PIWIL3: variants seen among roughly 807,000 people sequenced by gnomAD.
PIWIL3 encodes the protein piwi-like protein 3.
Under a neutral mutation model 109.7 loss-of-function variants are expected in PIWIL3, and 101 were observed. The observed-to-expected ratio is 0.92, with a 90% CI of 0.78 to 1.09. The LOEUF is 1.09. Among genes scored for constraint, PIWIL3 ranks in the 50% least tolerant of loss-of-function variants. The pLI is 0.00. For synonymous variants in PIWIL3, 373 were observed against 376.4 expected, an observed-to-expected ratio of 0.99 and a Z score of 0.10; for missense variants, 1,031 against 1,072.6, an observed-to-expected ratio of 0.96 and a Z score of 0.54.
chr22:24,749,615 C>T, intron 10 of PIWIL3, 78 bp downstream of exon 10: 2 of 1,611,490 alleles, frequency 1.2e-6, no homozygotes, highest in Non-Finnish European at 1.7e-6. Context: ...CAAGGAGACA[C>T]CCTTCGAATT....
At chr22:24,735,663 A>G (rs755919937) in intron 13 of PIWIL3, 45 bp downstream of exon 13, 4 of 1,507,356 alleles carry the variant, frequency 2.7e-6, no homozygotes, top group Middle Eastern at 1.8e-4. Context: ...ATACTTTAAG[A>G]TTGCTAACAA....
intron 18 of PIWIL3, among the ~76,000 whole-genome samples, 160 bp downstream of exon 18, chr22:24,724,727 G>A (rs962281946): frequency 2.6e-5 from 4 of 151,866 alleles, no homozygotes; most frequent in South Asian, 4.2e-4. Flanking sequence ...ATGAGCCACC[G>A]CACCCGGCCA....
At chr22:24,764,325 A>C (rs1472827762) in intron 1 of PIWIL3, among the ~76,000 whole-genome samples, 1 of 152,190 alleles carries the variant, frequency 6.6e-6, no homozygotes, top group Non-Finnish European at 1.5e-5. Context: ...TTTACCTGCC[A>C]GGTGCTCTTA....
chr22:24,758,097 AG>A, intron 3 of PIWIL3, 58 bp from the exon 4 acceptor site: 1 of 1,548,462 alleles, frequency 6.5e-7, no homozygotes, highest in Non-Finnish European at 8.8e-7. Context: ...TAGAAAAGAC[AG>A]CATTAACACC....
At position 24,719,139 on chromosome 22, in the gene PIWIL3, T is replaced by C. The variant is rs1214085421; in HGVS notation, c.*333A>G. ...AGTAGAGTTTACTTGTTCACAGATG[T>C]ACTCTCTCTGTGACGAATGCCCCAT... On this transcript the variant is annotated 3_prime_UTR_variant, in exon 21 of 21. Coordinates refer to ENST00000616349, the MANE Select transcript of PIWIL3 (RefSeq NM_001255975.1). The C allele has an allele frequency of 6.2e-6, 1 of 161,736 alleles. No individual in the cohort carries two copies. Among genetic ancestry groups the C allele is most frequent in the Non-Finnish European group, 1.3e-5 (1 of 74,650 alleles). The allele number at this position is 161,736 out of a possible 1,614,324, so 10.0% of individuals were successfully genotyped here. A position where few individuals can be genotyped will look rare whatever the true frequency, so the allele number is the denominator to read the frequency against.
chr22:24,770,678 A>AAAAAT (rs1555914379), intron 1 of PIWIL3, among the ~76,000 whole-genome samples: 3 of 142,506 alleles, frequency 2.1e-5, no homozygotes, highest in African/African-American at 7.9e-5. Flanking sequence ...AAAAAAAAAA[A>AAAAAT]ACAAAAATTA....
At chr22:24,751,306 T>C (rs1311138336) in intron 9 of PIWIL3, 81 bp downstream of exon 9, 3 of 1,350,464 alleles carry the variant, frequency 2.2e-6, no homozygotes, top group Non-Finnish European at 3.1e-6. Context: ...ATGACAAATA[T>C]GTTCAAGTAG....
In PIWIL3 at chr22:24,754,881, T is replaced by C. The variant is rs1420412710; in HGVS notation, c.693-17A>G. The C allele has an allele frequency of 3.1e-6, 5 of 1,602,100 alleles. No homozygotes were observed. The East Asian group carries it at 8.9e-5, about 29-fold the overall frequency. On this transcript the variant is annotated splice_polypyrimidine_tract_variant and intron_variant, in intron 6 of 20. Coordinates refer to ENST00000616349, the MANE Select transcript of PIWIL3 (RefSeq NM_001255975.1). ...TTGAAAGTTCTGGAAATGGAAAGAATAGATTTTGTTGAAAGTACAGGGTAC... is the reference window on the plus strand; with the variant it reads ...TTGAAAGTTCTGGAAATGGAAAGAACAGATTTTGTTGAAAGTACAGGGTAC...
rs1013368931 is a variant in PIWIL3, at chr22:24,726,037, G to A, written c.2010-522C>T. ...CCATCTGACCACCTGACATTGTGAT[G>A]TATCTGTCTGGCTGCCTCTTCTCAC... On this transcript the variant is annotated intron_variant, in intron 16 of 20. Coordinates refer to ENST00000616349, the MANE Select transcript of PIWIL3 (RefSeq NM_001255975.1). 2.0e-5 allele frequency among the ~76,000 whole-genome samples: 3 copies of A among 152,298 alleles called. No homozygotes were observed. The East Asian group carries it at 5.8e-4, about 29-fold the overall frequency.
chr22:24,765,704 C>G (rs1601854240), intron 1 of PIWIL3, among the ~76,000 whole-genome samples: 1 of 151,258 alleles, frequency 6.6e-6, no homozygotes, highest in African/African-American at 2.4e-5. Context: ...TCTTTTTAAC[C>G]CTAATCTTTC....
chr22:24,728,514 G>A (rs562762497), intron 14 of PIWIL3, 140 bp from the exon 15 acceptor site: 6 of 872,964 alleles, frequency 6.9e-6, no homozygotes, highest in Non-Finnish European at 1.1e-5. Flanking sequence ...AGCCCAAGAG[G>A]GCGAAGGGTC....
intron 4 of PIWIL3, among the ~76,000 whole-genome samples, chr22:24,757,674 A>ATATATAAAATATGTATATAT (rs1383950942): frequency 7.6e-6 from 1 of 132,062 alleles, no homozygotes; most frequent in African/African-American, 2.9e-5. Context: ...ACACACACAC[A>ATATATAAAATATGTATATAT]CACACACACA....
In PIWIL3 at chr22:24,724,250, A is replaced by AT. The variant is rs58351104; in HGVS notation, c.2231+636dup. Among the ~76,000 whole-genome samples the AT allele has an allele frequency of 2.2e-4, 32 of 148,634 alleles. 1 individual carries two copies. The highest frequency in any genetic ancestry group is 4.2e-4 in the South Asian group (2 of 4,710). On this transcript the variant is annotated intron_variant, in intron 18 of 20. Transcript: ENST00000616349. The stretch of plus-strand genomic sequence containing the variant: ...GGTGTTTTCCCCTAAAAAACATCAG[A>AT]TTTTTTTTTTTCAAAGACTAAAATG...
At chr22:24,772,268 C>T (rs1926175330) in intron 1 of PIWIL3, among the ~76,000 whole-genome samples, 1 of 152,136 alleles carries the variant, frequency 6.6e-6, no homozygotes, top group Non-Finnish European at 1.5e-5. Context: ...TTGTATATTT[C>T]ACAATGTAAG....
At chr22:24,733,094 T>A (rs1457985098) in intron 14 of PIWIL3, among the ~76,000 whole-genome samples, 1 of 152,186 alleles carries the variant, frequency 6.6e-6, no homozygotes, top group East Asian at 1.9e-4. Context: ...TCAGAATGCG[T>A]ACGGCTCACA....
chr22:24,749,485 A>G lies in PIWIL3; in HGVS notation c.1253T>C (p.Val418Ala), dbSNP rs556170913. The G allele has an allele frequency of 6.2e-7, 1 of 1,613,706 alleles. No individual in the cohort carries two copies. The highest frequency in any genetic ancestry group is 1.3e-5 in the African/African-American group (1 of 75,038). Reference protein sequence around the residue: ...TDEICKDYSIVKELAKHTRLS... With the variant: ...TDEICKDYSIAKELAKHTRLS... ...TCTTGTATGTTTAGCCAATTCTTTC[A>G]CAATGCTATAATCTTTACATATTTC... The change falls in exon 11 of 21, where the codon GTG becomes GCG. Residue 418 changes from valine (V) to alanine (A), a missense_variant. By Grantham distance (64) the Val-to-Ala change is moderately conservative. Coordinates refer to ENST00000616349, the MANE Select transcript of PIWIL3 (RefSeq NM_001255975.1).
intron 16 of PIWIL3, among the ~76,000 whole-genome samples, chr22:24,727,538 T>C (rs5760609): frequency 0.68 from 103,830 of 152,024 alleles, 35,811 homozygotes; most frequent in East Asian, 0.81. Flanking sequence ...GTCATCTAAC[T>C]ACAAAGAAAT....
chr22:24,764,667 T>TGTGTGTGTGTGC (rs1038117713), intron 1 of PIWIL3, among the ~76,000 whole-genome samples: 4 of 145,960 alleles, frequency 2.7e-5, no homozygotes, highest in African/African-American at 1.0e-4. Context: ...TGTGTGTGTG[T>TGTGTGTGTGTGC]GTTGAGACAG....
In PIWIL3 at chr22:24,719,789, G is replaced by A. The variant is rs201971834; in HGVS notation, c.2464C>T (p.Arg822Cys). The change falls in exon 20 of 21, where the codon CGT (arginine) becomes TGT (cysteine). Residue 822 changes from arginine to cysteine, a missense_variant. Physicochemically the swap from Arg to Cys is radical, Grantham distance 180. Coordinates refer to ENST00000616349, the MANE Select transcript of PIWIL3 (RefSeq NM_001255975.1). Reference protein sequence around the residue: ...TIGLSPDTVQRLTYCLCHMYY... With the variant: ...TIGLSPDTVQCLTYCLCHMYY... ...ATGTGGCATAGACAATATGTTAAAC[G>A]CTGTACTGTATCTGGGCTCAAGCCA... 2.7e-5 allele frequency: 44 copies of A among 1,612,976 alleles called. No homozygotes were observed. The highest frequency in any genetic ancestry group is 5.3e-5 in the African/African-American group (4 of 74,882).
Sources: allele counts gnomAD v4.1 joint callset (sites outside exome capture counted in the v4.1 genomes callset), GRCh38; gene constraint gnomAD v4.1.1; transcripts MANE v1.5; gene names NCBI Gene and HGNC (gene_info 2026-07-23, HGNC 2026-07-21).